IL1RAPL1: variants seen among roughly 807,000 people sequenced by gnomAD.
IL1RAPL1 encodes interleukin 1 receptor accessory protein like 1.
IL1RAPL1 carries 3 observed loss-of-function variants against 48.4 expected under a neutral mutation model. The observed-to-expected ratio is 0.06, with a 90% CI of 0.03 to 0.16. The LOEUF is 0.16. Ranked by LOEUF, IL1RAPL1 falls within the 10% of genes least tolerant of loss-of-function variation. IL1RAPL1 has a pLI of 1.00. For synonymous variants in IL1RAPL1, 185 were observed against 187.7 expected (o/e 0.99, Z 0.12); for missense variants, 349 against 530.6 (o/e 0.66, Z 3.36).
chrX:29,683,720 A>C (rs1037455181), intron 6 of IL1RAPL1, among the ~76,000 whole-genome samples: 1 of 112,268 alleles, frequency 8.9e-6, no homozygotes, highest in African/African-American at 3.2e-5. Flanking sequence ...AAAATGGTCT[A>C]TTCTTACAGA....
intron 1 of IL1RAPL1, among the ~76,000 whole-genome samples, chrX:28,706,057 G>A (rs1376764953): frequency 8.9e-6 from 1 of 111,942 alleles, no homozygotes; most frequent in Non-Finnish European, 1.9e-5. Flanking sequence ...ATTGCTCCAT[G>A]TCCTTGATGA....
intron 1 of IL1RAPL1, among the ~76,000 whole-genome samples, chrX:28,707,692 G>A (rs751120908): frequency 1.8e-5 from 2 of 111,987 alleles, no homozygotes; most frequent in Non-Finnish European, 3.8e-5. Context: ...TGACCCGAAT[G>A]ATGTTAACTA....
chrX:29,255,142 C>CGTGTGTGT lies in IL1RAPL1; in HGVS notation c.83-27780_83-27773dup, dbSNP rs200536177. 2.0e-3 allele frequency among the ~76,000 whole-genome samples: 128 copies of CGTGTGTGT among 62,456 alleles called. 1 individual carries two copies. Among genetic ancestry groups the CGTGTGTGT allele is most frequent in the African/African-American group, 4.9e-3 (122 of 25,023 alleles). 54.2% of individuals were successfully genotyped at this position (62,456 alleles called of 115,157 possible). ...AGGTATTTGTGTGTGTGTGTGTGTG[C>CGTGTGTGT]GTGTGTGTGTGTGTGTGTGTGTGAA... On this transcript the variant is annotated intron_variant, in intron 2 of 10. Transcript: ENST00000378993.
intron 6 of IL1RAPL1, among the ~76,000 whole-genome samples, chrX:29,891,529 C>T (rs1378049756): frequency 9.0e-6 from 1 of 111,578 alleles, no homozygotes; most frequent in Non-Finnish European, 1.9e-5. Context: ...AGGTTTCATT[C>T]ACAGGGATAA....
At chrX:29,263,869 C>A (rs372190603) in intron 2 of IL1RAPL1, among the ~76,000 whole-genome samples, 82 of 99,873 alleles carry the variant, frequency 8.2e-4, no homozygotes, top group African/African-American at 1.8e-3. Flanking sequence ...CTCCCCCCCC[C>A]CCGCTCTCAT....
Position 28,885,339 on chromosome X carries a change from C to T in IL1RAPL1, c.82+95914C>T, listed in dbSNP as rs1351038193. Among the ~76,000 whole-genome samples, 5 of 111,046 alleles carry T rather than the reference C, an allele frequency of 4.5e-5. No individual in the cohort carries two copies. In the East Asian group the frequency reaches 8.5e-4, roughly 19 times the overall value. ...ACTTTTTGCCTATTTCAAGGACTTTCGCAGTGTTTTTCTTATAACCCCAAT... is the reference window on the plus strand; with the variant it reads ...ACTTTTTGCCTATTTCAAGGACTTTTGCAGTGTTTTTCTTATAACCCCAAT... On this transcript the variant is annotated intron_variant, in intron 2 of 10. Coordinates refer to ENST00000378993, the MANE Select transcript of IL1RAPL1 (RefSeq NM_014271.4).
At chrX:29,476,509 C>T (rs964449255) in intron 5 of IL1RAPL1, among the ~76,000 whole-genome samples, 6 of 111,413 alleles carry the variant, frequency 5.4e-5, no homozygotes, top group African/African-American at 2.0e-4. Context: ...TATCTGTTCT[C>T]TGTAGGACCT....
intron 6 of IL1RAPL1, among the ~76,000 whole-genome samples, chrX:29,904,290 G>C (rs147218415): frequency 1.8e-5 from 2 of 111,652 alleles, no homozygotes; most frequent in African/African-American, 3.3e-5. Flanking sequence ...AGAAAAGAAC[G>C]ATAGTTGCTC....
chrX:28,893,990 C>T (rs1380403573), intron 2 of IL1RAPL1, among the ~76,000 whole-genome samples: 1 of 111,792 alleles, frequency 8.9e-6, no homozygotes, highest in Non-Finnish European at 1.9e-5. Context: ...ACCTTATCAG[C>T]ATAAGCGTTG....
intron 2 of IL1RAPL1, among the ~76,000 whole-genome samples, chrX:28,905,621 C>G (rs1923197641): frequency 8.9e-6 from 1 of 111,871 alleles, no homozygotes; most frequent in African/African-American, 3.2e-5. Flanking sequence ...TCTTTAATAA[C>G]TACTAAAATA....
chrX:28,677,690 T>C (rs6630726), intron 1 of IL1RAPL1, among the ~76,000 whole-genome samples: 12,453 of 109,840 alleles, frequency 0.11, 1,514 homozygotes, highest in African/African-American at 0.34. Flanking sequence ...TGGATTCAAG[T>C]GATTCTCCTG....
chrX:28,853,552 C>G (rs1921727662), intron 2 of IL1RAPL1, among the ~76,000 whole-genome samples: 1 of 111,236 alleles, frequency 9.0e-6, no homozygotes, highest in Non-Finnish European at 1.9e-5. Context: ...TGTTACAGTA[C>G]AGATTCTCAG....
intron 2 of IL1RAPL1, chrX:28,942,448 C>A (rs938505800): frequency 9.3e-6 from 1 of 107,316 alleles, no homozygotes; most frequent in East Asian, 2.9e-4. Flanking sequence ...AGTTTTAAAC[C>A]AAAAAGGTAG....
intron 2 of IL1RAPL1, among the ~76,000 whole-genome samples, chrX:29,153,123 C>T (rs1233645786): frequency 9.0e-6 from 1 of 111,394 alleles, no homozygotes; most frequent in Non-Finnish European, 1.9e-5. Flanking sequence ...ATCTCTTGGC[C>T]CTCTTCCATC....
chrX:28,792,259 A>G (rs1936546744), intron 2 of IL1RAPL1, among the ~76,000 whole-genome samples: 1 of 111,826 alleles, frequency 8.9e-6, no homozygotes. Flanking sequence ...ATAATTAGGA[A>G]CATATACAAT....
intron 9 of IL1RAPL1, among the ~76,000 whole-genome samples, chrX:29,949,118 C>CTCTCATATGTTAA (rs1933266651): frequency 8.9e-6 from 1 of 111,957 alleles, no homozygotes; most frequent in South Asian, 3.7e-4. Context: ...GGGTATTATC[C>CTCTCATATGTTAA]TCTCATATGT....
chrX:29,851,327 T>A (rs772019622), intron 6 of IL1RAPL1, among the ~76,000 whole-genome samples: 1 of 111,595 alleles, frequency 9.0e-6, no homozygotes, highest in Non-Finnish European at 1.9e-5. Flanking sequence ...AAGTTGTGGC[T>A]GGATACCTTT....
intron 2 of IL1RAPL1, among the ~76,000 whole-genome samples, chrX:29,236,361 T>C (rs1931293112): frequency 9.1e-6 from 1 of 110,464 alleles, no homozygotes; most frequent in African/African-American, 3.3e-5. Context: ...TGCTGTGAGA[T>C]CTTTAGCGAG....
rs748481416 is a variant in IL1RAPL1, at chrX:29,724,238, T to C, written c.778+55734T>C. Among the ~76,000 whole-genome samples the C allele has an allele frequency of 6.3e-5, 7 of 111,750 alleles. No homozygotes were observed. In the East Asian group the frequency reaches 1.4e-3, roughly 22 times the overall value. The stretch of plus-strand genomic sequence containing the variant: ...CGGTCTGCTCCCAGATCCTCCTCAC[T>C]GTACTCTTGCTCACATTTTGTCCCT... On this transcript the variant is annotated intron_variant, in intron 6 of 10. Transcript: ENST00000378993.
Sources: gnomAD v4.1 joint callset for allele counts (sites outside exome capture counted in the v4.1 genomes callset) on GRCh38, gnomAD v4.1.1 for gene constraint, MANE v1.5 for transcripts, NCBI Gene and HGNC (gene_info 2026-07-23, HGNC 2026-07-21) for gene names.